Variants in SPACA7 observed in about 807,000 individuals in gnomAD.
The protein encoded by SPACA7 is sperm acrosome associated 7.
A neutral mutation model predicts 26.3 loss-of-function variants in SPACA7; 19 were observed. That is an observed-to-expected ratio of 0.72 (90% CI 0.50 to 1.06). The LOEUF (loss-of-function observed/expected upper bound fraction) is 1.06. SPACA7 is among the 50% of genes least tolerant of loss of function. The probability of loss-of-function intolerance (pLI) is 0.00; values close to 1 mark genes in which losing one functional copy is unlikely to be tolerated. For synonymous variants in SPACA7, 84 were observed against 84.5 expected, an observed-to-expected ratio of 0.99 and a Z score of 0.04; for missense variants, 211 against 229.9, an observed-to-expected ratio of 0.92 and a Z score of 0.53.
At chr13:112,422,016 C>A (rs1005392084) in intron 5 of SPACA7, among the ~76,000 whole-genome samples, 9 of 152,104 alleles carry the variant, frequency 5.9e-5, no homozygotes, top group African/African-American at 2.2e-4. Context: ...AGGGACTAGG[C>A]TTAATTGCTG....
Position 112,399,091 on chromosome 13 carries a change from A to C in SPACA7, c.267A>C (p.Gln89His), listed in dbSNP as rs1205020189. 17 of 1,609,546 alleles carry C rather than the reference A, an allele frequency of 1.1e-5. No individual in the cohort carries two copies. The highest frequency in any genetic ancestry group is 1.4e-5 in the Non-Finnish European group (16 of 1,176,576). Reference sequence around the variant, plus strand: ...ATGCTGGTATTGATGAGAATTATCAAGCTGGTGGTTCTGAGAATTACCATG... The same window carrying C: ...ATGCTGGTATTGATGAGAATTATCACGCTGGTGGTTCTGAGAATTACCATG... ...PLHAGIDENYQAGGSENYHEL... is the reference protein window; with the variant it reads ...PLHAGIDENYHAGGSENYHEL... Residue 89 changes from glutamine (Q) to histidine (H), a missense_variant, in exon 4 of 7, where the codon CAA becomes CAC. By Grantham distance (24) the Gln-to-His change is conservative. Coordinates refer to ENST00000283550, the MANE Select transcript of SPACA7 (RefSeq NM_145248.5).
At chr13:112,401,301 G>T in intron 5 of SPACA7, 137 bp downstream of exon 5, 1 of 635,612 alleles carries the variant, frequency 1.6e-6, no homozygotes, top group Non-Finnish European at 2.8e-6. Context: ...GGTGAGAAGT[G>T]GTATTTCAGT....
chr13:112,431,609 G>T (rs1203362623), intron 5 of SPACA7, among the ~76,000 whole-genome samples: 1 of 152,148 alleles, frequency 6.6e-6, no homozygotes, highest in African/African-American at 2.4e-5. Flanking sequence ...GAGACTGAGG[G>T]GTCAGGCCAG....
At chr13:112,401,273 G>C in intron 5 of SPACA7, 109 bp downstream of exon 5, 2 of 762,288 alleles carry the variant, frequency 2.6e-6, no homozygotes, top group Non-Finnish European at 4.4e-6. Flanking sequence ...TATGCCATTA[G>C]GTTTCCACCA....
At chr13:112,411,235 T>C (rs1214633726) in intron 5 of SPACA7, among the ~76,000 whole-genome samples, 1 of 152,142 alleles carries the variant, frequency 6.6e-6, no homozygotes, top group African/African-American at 2.4e-5. Flanking sequence ...ACCTTTGTAC[T>C]TACAACTTTT....
chr13:112,408,318 A>T (rs1202039930), intron 5 of SPACA7, among the ~76,000 whole-genome samples: 1 of 152,204 alleles, frequency 6.6e-6, no homozygotes, highest in East Asian at 1.9e-4. Context: ...CAAGACAGGG[A>T]TACCCTCTCT....
intron 2 of SPACA7, among the ~76,000 whole-genome samples, chr13:112,397,231 G>A (rs1566465930): frequency 1.3e-5 from 2 of 152,244 alleles, no homozygotes; most frequent in African/African-American, 2.4e-5. Flanking sequence ...CCAGACGCCC[G>A]CTTTGCCTGG....
intron 5 of SPACA7, among the ~76,000 whole-genome samples, chr13:112,429,474 C>T (rs1446989070): frequency 6.6e-6 from 1 of 151,184 alleles, no homozygotes; most frequent in Non-Finnish European, 1.5e-5. Flanking sequence ...TTTTACCTTT[C>T]TTTTGATTGG....
At chr13:112,388,164 G>A (rs184934710) in intron 1 of SPACA7, among the ~76,000 whole-genome samples, 1 of 152,166 alleles carries the variant, frequency 6.6e-6, no homozygotes, top group Non-Finnish European at 1.5e-5. Flanking sequence ...TGGACAGAAG[G>A]CCTTCCAAAT....
intron 5 of SPACA7, among the ~76,000 whole-genome samples, chr13:112,412,563 A>G (rs1886417662): frequency 6.6e-6 from 1 of 151,970 alleles, no homozygotes. Flanking sequence ...TCTAATGTTT[A>G]CTTCTAATGT....
chr13:112,412,450 T>A (rs148714590), intron 5 of SPACA7, among the ~76,000 whole-genome samples: 3 of 152,206 alleles, frequency 2.0e-5, no homozygotes, highest in Non-Finnish European at 4.4e-5. Flanking sequence ...TAGGAGCTTT[T>A]TAGCTTGATA....
intron 1 of SPACA7, among the ~76,000 whole-genome samples, chr13:112,382,698 A>T (rs1884158660): frequency 6.6e-6 from 1 of 152,098 alleles, no homozygotes; most frequent in South Asian, 2.1e-4. Flanking sequence ...TTAAAAGCAA[A>T]GATTTGAGGC....
intron 5 of SPACA7, among the ~76,000 whole-genome samples, chr13:112,417,012 C>CT (rs144963793): frequency 0.016 from 2,416 of 149,586 alleles, 55 homozygotes; most frequent in African/African-American, 0.055. Flanking sequence ...TTGATTTATA[C>CT]TTTTTTTTTT....
chr13:112,377,765 G>A (rs570798262), intron 1 of SPACA7, among the ~76,000 whole-genome samples: 1 of 152,340 alleles, frequency 6.6e-6, no homozygotes, highest in African/African-American at 2.4e-5. Flanking sequence ...CAAGAAAGAA[G>A]AGACATTCCT....
Position 112,401,127 on chromosome 13 carries a change from G to C in SPACA7, c.408G>C (p.Gln136His), listed in dbSNP as rs1373390237. The C allele has an allele frequency of 1.9e-6, 3 of 1,614,196 alleles. No homozygotes were observed. The highest frequency in any genetic ancestry group is 3.3e-5 in the Admixed American group (2 of 60,024). Residue 136 changes from glutamine (Q) to histidine (H), a missense_variant, in exon 5 of 7, where the codon CAG becomes CAC. By Grantham distance (24) the Gln-to-His change is conservative (BLOSUM62 0). Transcript: ENST00000283550. Reference sequence around the variant, plus strand: ...CTTCTGAGAATTATCGTGGGCCACAGGTGTCTCCTGGCAGTGAGAAGAGTG... The same window carrying C: ...CTTCTGAGAATTATCGTGGGCCACACGTGTCTCCTGGCAGTGAGAAGAGTG... The part of the protein sequence containing the change: ...GDPSENYRGP[Q>H]VSPGSEKSVS...
intron 1 of SPACA7, among the ~76,000 whole-genome samples, chr13:112,383,178 AAAGAAAGAAAG>A (rs1566453559): frequency 4.0e-5 from 5 of 125,782 alleles, no homozygotes; most frequent in Non-Finnish European, 8.3e-5. Context: ...AGAAAGAAAG[AAAGAAAGAAAG>A]AAAGAAAAGA....
At chr13:112,396,415 T>C (rs1885258296) in intron 2 of SPACA7, among the ~76,000 whole-genome samples, 1 of 152,158 alleles carries the variant, frequency 6.6e-6, no homozygotes, top group African/African-American at 2.4e-5. Context: ...CATCTGCCCT[T>C]GGTGGAAGCT....
intron 1 of SPACA7, among the ~76,000 whole-genome samples, chr13:112,386,716 A>G (rs1178917687): frequency 6.6e-6 from 1 of 152,192 alleles, no homozygotes; most frequent in East Asian, 1.9e-4. Context: ...CCTTTTAAAT[A>G]CATCTATACC....
intron 5 of SPACA7, among the ~76,000 whole-genome samples, chr13:112,409,547 T>C (rs2138996487): frequency 1.3e-5 from 2 of 151,894 alleles, no homozygotes; most frequent in East Asian, 3.9e-4. Context: ...CATCAAAAAG[T>C]GGGTGAAGGA....
Sources: allele counts gnomAD v4.1 joint callset (sites outside exome capture counted in the v4.1 genomes callset), GRCh38; gene constraint gnomAD v4.1.1; transcripts MANE v1.5; gene names NCBI Gene and HGNC (gene_info 2026-07-23, HGNC 2026-07-21).